TYR: variants seen among roughly 807,000 people sequenced by gnomAD.
TYR encodes the protein tyrosinase.
Under a neutral mutation model 51.5 loss-of-function variants are expected in TYR, and 58 were observed. The ratio of observed to expected loss-of-function variants is 1.13; its 90% CI spans 0.91 to 1.40. The LOEUF (loss-of-function observed/expected upper bound fraction) is 1.40. TYR is among the 40% of genes most tolerant of loss of function. TYR has a pLI of 0.00. For synonymous variants in TYR, 263 were observed against 235.2 expected (o/e 1.12, Z -1.08); for missense variants, 732 against 647.4 (o/e 1.13, Z -1.42).
chr11:89,179,053 T>A (rs902112680), intron 1 of TYR, among the ~76,000 whole-genome samples: 3 of 152,216 alleles, frequency 2.0e-5, no homozygotes, highest in African/African-American at 7.2e-5. Context: ...GTATGGTGCC[T>A]TTAAAAATGG....
At chr11:89,247,092 G>A (rs7117826) in intron 3 of TYR, among the ~76,000 whole-genome samples, 30,916 of 152,046 alleles carry the variant, frequency 0.2, 6,557 homozygotes, top group African/African-American at 0.54. Context: ...AACAAAGAGC[G>A]GTTATACCAT....
intron 2 of TYR, among the ~76,000 whole-genome samples, chr11:89,205,770 G>T (rs1458239644): frequency 6.6e-6 from 1 of 152,058 alleles, no homozygotes; most frequent in Non-Finnish European, 1.5e-5. Context: ...GAAGGGAAAT[G>T]ATAAAATAAA....
chr11:89,258,413 C>T (rs1944420190), intron 3 of TYR, among the ~76,000 whole-genome samples: 1 of 150,444 alleles, frequency 6.6e-6, no homozygotes, highest in African/African-American at 2.4e-5. Context: ...TCTCTTATTA[C>T]CTATATGGCA....
At chr11:89,280,709 T>C (rs1055963693) in intron 3 of TYR, among the ~76,000 whole-genome samples, 11 of 151,624 alleles carry the variant, frequency 7.3e-5, no homozygotes, top group Non-Finnish European at 8.9e-5. Context: ...CTTCAGATTT[T>C]TTTTCTTCTC....
At position 89,281,349 on chromosome 11, in the gene TYR, G is replaced by A. The variant is rs138002547; in HGVS notation, c.1185-3424G>A. On this transcript the variant is annotated intron_variant, in intron 3 of 4. Coordinates refer to ENST00000263321, the MANE Select transcript of TYR (RefSeq NM_000372.5). Reference sequence around the variant, plus strand: ...GAATGTCCTGGGCATATTTCACAACGGTCACTCTCCTCCTCCCTGTAACAG... The same window carrying A: ...GAATGTCCTGGGCATATTTCACAACAGTCACTCTCCTCCTCCCTGTAACAG... Among the ~76,000 whole-genome samples the A allele has an allele frequency of 1.3e-3, 193 of 151,682 alleles. 2 individuals are homozygous for A. The highest frequency in any genetic ancestry group is 4.4e-3 in the African/African-American group (181 of 41,416).
At chr11:89,284,747 A>T in intron 3 of TYR, 26 bp from the exon 4 acceptor site, 1 of 1,606,496 alleles carries the variant, frequency 6.2e-7, no homozygotes, top group Non-Finnish European at 8.5e-7. Context: ...TATGTTTCTT[A>T]GTCTGAATAA....
intron 2 of TYR, among the ~76,000 whole-genome samples, chr11:89,224,634 A>C (rs755429377): frequency 5.3e-5 from 8 of 152,158 alleles, no homozygotes; most frequent in Non-Finnish European, 1.0e-4. Flanking sequence ...CTCCTTCACC[A>C]ACTCTCCTTT....
At chr11:89,258,426 A>C (rs1379041908) in intron 3 of TYR, among the ~76,000 whole-genome samples, 2 of 151,576 alleles carry the variant, frequency 1.3e-5, no homozygotes, top group African/African-American at 4.9e-5. Context: ...ATATGGCAAC[A>C]TCTGGCCAAA....
At chr11:89,291,799 T>C (rs1448980925) in intron 4 of TYR, among the ~76,000 whole-genome samples, 1 of 152,004 alleles carries the variant, frequency 6.6e-6, no homozygotes, top group Non-Finnish European at 1.5e-5. Context: ...GAAATATTAC[T>C]ATCTGTTAAT....
intron 2 of TYR, among the ~76,000 whole-genome samples, chr11:89,214,561 T>C (rs1340158607): frequency 6.6e-6 from 1 of 152,180 alleles, no homozygotes; most frequent in African/African-American, 2.4e-5. Context: ...TATCATGCTA[T>C]TGTAAAGACA....
At chr11:89,216,731 A>G (rs1345033193) in intron 2 of TYR, among the ~76,000 whole-genome samples, 1 of 151,706 alleles carries the variant, frequency 6.6e-6, no homozygotes, top group Non-Finnish European at 1.5e-5. Flanking sequence ...TTATGAAACA[A>G]TATGAAGTTA....
rs1944478265 is a variant in TYR, at chr11:89,262,874, AACAAC to A, written c.1185-21897_1185-21893del. ...AAAAAAAAAAAAAAAAAAAAAAAAC[AACAAC>A]AACAACAACAAAGAAAATCTCAGGA... is the stretch of plus-strand genomic sequence containing the variant. On this transcript the variant is annotated intron_variant, in intron 3 of 4. Coordinates refer to ENST00000263321, the MANE Select transcript of TYR (RefSeq NM_000372.5). 6.0e-5 allele frequency among the ~76,000 whole-genome samples: 7 copies of A among 116,836 alleles called. No individual in the cohort carries two copies. The East Asian group carries it at 1.6e-3, about 26-fold the overall frequency. 76.6% of individuals were successfully genotyped at this position (116,836 alleles called of 152,430 possible).
At chr11:89,234,972 T>A (rs758443616) in intron 3 of TYR, among the ~76,000 whole-genome samples, 1 of 149,506 alleles carries the variant, frequency 6.7e-6, no homozygotes, top group African/African-American at 2.5e-5. Flanking sequence ...ACCTTCAATT[T>A]GTAAAAAAAA....
intron 3 of TYR, among the ~76,000 whole-genome samples, chr11:89,249,255 TA>T (rs1944303950): frequency 6.6e-6 from 1 of 152,034 alleles, no homozygotes; most frequent in Non-Finnish European, 1.5e-5. Flanking sequence ...ATTTAAGTTT[TA>T]AAACTTAATT....
intron 3 of TYR, among the ~76,000 whole-genome samples, chr11:89,245,191 T>G (rs1944248512): frequency 1.3e-5 from 2 of 152,324 alleles, no homozygotes; most frequent in Non-Finnish European, 2.9e-5. Context: ...CAAAAAGGTG[T>G]AGAAATATGT....
chr11:89,191,702 G>A (rs1943448599), intron 2 of TYR, among the ~76,000 whole-genome samples: 1 of 152,072 alleles, frequency 6.6e-6, no homozygotes, highest in Non-Finnish European at 1.5e-5. Context: ...TCAGGCTGCA[G>A]TGAGCTATGA....
rs1943253722 is a variant in TYR, at chr11:89,178,304, C to A, written c.351C>A (p.Leu117=). The stretch of plus-strand genomic sequence containing the variant: ...GACCAAACTGCACAGAGAGACGACT[C>A]TTGGTGAGAAGAAACATCTTCGATT... ...FWGPNCTERR[L]LVRRNIFDLS... The change falls in exon 1 of 5, where the codon CTC becomes CTA. Residue 117 remains leucine (L), a synonymous_variant. Coordinates refer to ENST00000263321, the MANE Select transcript of TYR (RefSeq NM_000372.5). The A allele has an allele frequency of 1.2e-6, 2 of 1,614,176 alleles. No individual in the cohort carries two copies. Among genetic ancestry groups the A allele is most frequent in the Non-Finnish European group, 1.7e-6 (2 of 1,180,042 alleles).
rs1301243529 is a variant in TYR, at chr11:89,254,702, G to T, written c.1184+26732G>T. ...TTTCATTTCCAATTGAGCTTATTTG[G>T]ATTTTCTATCTTCTTTTCTTGGTTA... On this transcript the variant is annotated intron_variant, in intron 3 of 4. Transcript: ENST00000263321. Among the ~76,000 whole-genome samples, 4 of 151,566 alleles carry T rather than the reference G, an allele frequency of 2.6e-5. No individual in the cohort carries two copies. In the East Asian group the frequency reaches 7.7e-4, roughly 29 times the overall value.
chr11:89,257,642 T>C (rs915670597), intron 3 of TYR, among the ~76,000 whole-genome samples: 1 of 152,066 alleles, frequency 6.6e-6, no homozygotes, highest in African/African-American at 2.4e-5. Context: ...TTAGGTTATA[T>C]GTGAAAACAC....
Sources: allele counts gnomAD v4.1 joint callset (sites outside exome capture counted in the v4.1 genomes callset), GRCh38; gene constraint gnomAD v4.1.1; transcripts MANE v1.5; gene names NCBI Gene and HGNC (gene_info 2026-07-23, HGNC 2026-07-21).